Variants in HBS1L observed in about 807,000 individuals in gnomAD.
HBS1L encodes HBS1-like protein.
HBS1L carries 55 observed loss-of-function variants against 88.9 expected under a neutral mutation model. The ratio of observed to expected loss-of-function variants is 0.62; its 90% CI spans 0.50 to 0.77. HBS1L has a LOEUF of 0.77. Among genes scored for constraint, HBS1L ranks in the 30% least tolerant of loss-of-function variants. The probability of loss-of-function intolerance (pLI) is 0.00; values close to 1 mark genes in which losing one functional copy is unlikely to be tolerated. For missense variants in HBS1L, 741 were observed against 829.3 expected, an observed-to-expected ratio of 0.89 and a Z score of 1.31; for synonymous variants, 267 against 288.5, an observed-to-expected ratio of 0.93 and a Z score of 0.76.
intron 4 of HBS1L, among the ~76,000 whole-genome samples, chr6:135,016,387 AAG>A (rs1432661625): frequency 6.6e-6 from 1 of 152,210 alleles, no homozygotes; most frequent in African/African-American, 2.4e-5. Context: ...CTGCTTAACA[AAG>A]AGAAAGTTTC....
intron 4 of HBS1L, among the ~76,000 whole-genome samples, chr6:135,032,767 T>C (rs1733183802): frequency 6.6e-6 from 1 of 152,120 alleles, no homozygotes; most frequent in African/African-American, 2.4e-5. Flanking sequence ...ATCCCTGGTA[T>C]GACAATTAGT....
intron 15 of HBS1L, among the ~76,000 whole-genome samples, chr6:134,974,495 A>G (rs909174694): frequency 1.3e-5 from 2 of 152,216 alleles, no homozygotes; most frequent in Admixed American, 1.3e-4. Context: ...ATAAACACAG[A>G]TGCAAAAATC....
chr6:135,047,744 T>TAA (rs1776956293), intron 2 of HBS1L, among the ~76,000 whole-genome samples: 2 of 152,234 alleles, frequency 1.3e-5, no homozygotes, highest in African/African-American at 4.8e-5. Flanking sequence ...AACTCAAATC[T>TAA]AATATAACCA....
intron 4 of HBS1L, among the ~76,000 whole-genome samples, chr6:135,016,041 C>A (rs1775912387): frequency 6.6e-6 from 1 of 152,038 alleles, no homozygotes; most frequent in Admixed American, 6.6e-5. Flanking sequence ...TGCCTGCCAC[C>A]ATGCCCGGCT....
At chr6:135,036,564 T>TCTAGTAAATG (rs1259718154) in intron 4 of HBS1L, 5 of 1,480,626 alleles carry the variant, frequency 3.4e-6, no homozygotes, top group Non-Finnish European at 4.5e-6. Flanking sequence ...GTTACTATTC[T>TCTAGTAAATG]CTAGTAAATG....
intron 15 of HBS1L, among the ~76,000 whole-genome samples, chr6:134,970,510 A>G (rs1338577002): frequency 6.6e-6 from 1 of 152,192 alleles, no homozygotes; most frequent in Non-Finnish European, 1.5e-5. Flanking sequence ...GAGGAAAATC[A>G]GATGTTATTT....
At chr6:135,042,529 C>T (rs1025325102) in intron 2 of HBS1L, among the ~76,000 whole-genome samples, 1 of 152,128 alleles carries the variant, frequency 6.6e-6, no homozygotes, top group Non-Finnish European at 1.5e-5. Context: ...CACAAGGTGG[C>T]CAAGCGCAGT....
chr6:135,054,578 G>C (rs964046687), intron 1 of HBS1L, 71 bp downstream of exon 1: 2 of 1,557,600 alleles, frequency 1.3e-6, no homozygotes, highest in African/African-American at 2.7e-5. Context: ...ACAGATTGAA[G>C]TGGATGCCAA....
rs1477066732 is a variant in HBS1L, at chr6:134,979,179, T to C, written c.1687A>G (p.Asn563Asp). 2 of 1,608,308 alleles carry C rather than the reference T, an allele frequency of 1.2e-6. No homozygotes were observed. Among genetic ancestry groups the C allele is most frequent in the South Asian group, 1.1e-5 (1 of 90,920 alleles). The change falls in exon 14 of 18, where the codon AAT becomes GAT. Residue 563 changes from asparagine (N) to aspartate (D), a missense_variant and splice_region_variant. Physicochemically the swap from Asn to Asp is conservative, Grantham distance 23. Coordinates refer to ENST00000367837, the MANE Select transcript of HBS1L (RefSeq NM_006620.4). ...GCTTAAACTCATTTTCTCACTCACT[T>C]GATTTTGATGATATCCATCCCAACC... ...TLVGMDIIKI[N>D]VGCIFCGPKV...
At chr6:134,993,733 C>A in intron 8 of HBS1L, 25 bp downstream of exon 8, 1 of 1,108,742 alleles carries the variant, frequency 9.0e-7, no homozygotes, top group Non-Finnish European at 1.3e-6. Flanking sequence ...AATCAGCACA[C>A]TATAGTGAAG....
chr6:134,992,953 A>G (rs905944110), intron 8 of HBS1L, among the ~76,000 whole-genome samples: 3 of 152,144 alleles, frequency 2.0e-5, no homozygotes, highest in African/African-American at 7.2e-5. Flanking sequence ...ATACAGGTGT[A>G]CCATTTTTTA....
At chr6:135,012,110 A>G (rs905810867) in intron 4 of HBS1L, among the ~76,000 whole-genome samples, 4 of 152,218 alleles carry the variant, frequency 2.6e-5, no homozygotes, top group African/African-American at 7.2e-5. Flanking sequence ...GTGCAACAGT[A>G]TATGAATGAT....
At position 134,964,951 on chromosome 6, in the gene HBS1L, G is replaced by C. The variant is rs1164557194; in HGVS notation, c.*328C>G. On this transcript the variant is annotated 3_prime_UTR_variant, in exon 18 of 18. Coordinates refer to ENST00000367837, the MANE Select transcript of HBS1L (RefSeq NM_006620.4). Reference sequence around the variant, plus strand: ...AAAACTGCAAATACATTGTGCTTTGGCCAGAAGTAGAGTTCATTTCATGAT... The same window carrying C: ...AAAACTGCAAATACATTGTGCTTTGCCCAGAAGTAGAGTTCATTTCATGAT... The C allele has an allele frequency of 8.8e-6, 3 of 341,246 alleles. No individual in the cohort carries two copies. Among genetic ancestry groups the C allele is most frequent in the Non-Finnish European group, 1.6e-5 (3 of 186,654 alleles). The allele number at this position is 341,246 out of a possible 1,614,324, so 21.1% of individuals were successfully genotyped here. A position where few individuals can be genotyped will look rare whatever the true frequency, so the allele number is the denominator to read the frequency against.
chr6:135,011,428 G>A (rs117206061), intron 4 of HBS1L, among the ~76,000 whole-genome samples: 3,659 of 152,286 alleles, frequency 0.024, 83 homozygotes, highest in Middle Eastern at 0.061. Context: ...GTTGAGATGG[G>A]AGGATCAATT....
intron 5 of HBS1L, among the ~76,000 whole-genome samples, chr6:135,000,890 G>T (rs1416781439): frequency 6.6e-6 from 1 of 152,126 alleles, no homozygotes; most frequent in Admixed American, 6.5e-5. Context: ...GTGTTTCACT[G>T]TGTTTCTATA....
intron 2 of HBS1L, 67 bp from the exon 3 acceptor site, chr6:135,042,193 G>A: frequency 7.0e-7 from 1 of 1,431,236 alleles, no homozygotes; most frequent in Non-Finnish European, 9.4e-7. Context: ...TTTTACAAAA[G>A]TTAAAGTAAA....
intron 4 of HBS1L, chr6:135,037,731 GA>G (rs1562312077): frequency 6.4e-7 from 1 of 1,550,648 alleles, no homozygotes. Context: ...ATGATAATCT[GA>G]CTGATGGCTG....
At chr6:135,012,776 T>C (rs756671656) in intron 4 of HBS1L, among the ~76,000 whole-genome samples, 64 of 152,192 alleles carry the variant, frequency 4.2e-4, no homozygotes, top group Admixed American at 6.5e-4. Flanking sequence ...ACTACTTTCA[T>C]GAAAATTATA....
chr6:134,990,906 GTA>G (rs1393939467), intron 8 of HBS1L, among the ~76,000 whole-genome samples: 8 of 152,020 alleles, frequency 5.3e-5, no homozygotes, highest in Admixed American at 1.3e-4. Flanking sequence ...GAATTCAGAA[GTA>G]TTTTTTACTA....
Sources: gnomAD v4.1 joint callset for allele counts (sites outside exome capture counted in the v4.1 genomes callset) on GRCh38, gnomAD v4.1.1 for gene constraint, MANE v1.5 for transcripts, NCBI Gene and HGNC (gene_info 2026-07-23, HGNC 2026-07-21) for gene names.